GALNT11: variants seen among roughly 807,000 people sequenced by gnomAD.
The protein encoded by GALNT11 is UDP-GalNAc:polypeptide N-acetylgalactosaminyltransferase 11.
In GALNT11, 47 loss-of-function variants were observed where a neutral mutation model predicts 72.7. The observed-to-expected ratio is 0.65, with a 90% CI of 0.51 to 0.82. The LOEUF (loss-of-function observed/expected upper bound fraction) is 0.82. Ranked by LOEUF, GALNT11 falls within the 40% of genes least tolerant of loss-of-function variation. The pLI is 0.00. For synonymous variants in GALNT11, 270 were observed against 286.6 expected, an observed-to-expected ratio of 0.94 and a Z score of 0.58; for missense variants, 677 against 778.4, an observed-to-expected ratio of 0.87 and a Z score of 1.55.
At chr7:152,067,146 G>A (rs1415869539) in intron 1 of GALNT11, among the ~76,000 whole-genome samples, 2 of 152,150 alleles carry the variant, frequency 1.3e-5, no homozygotes, top group African/African-American at 4.8e-5. Context: ...TCATGTTTTG[G>A]GGAGGAAGAC....
intron 1 of GALNT11, among the ~76,000 whole-genome samples, chr7:152,027,913 ATGAGCTCACTGACTTCAGG>A (rs2082107822): frequency 8.5e-6 from 1 of 117,090 alleles, no homozygotes; most frequent in African/African-American, 6.6e-5. Context: ...CAGTGGGTTC[ATGAGCTCACTGACTTCAGG>A]AGTCAACCTG....
intron 1 of GALNT11, among the ~76,000 whole-genome samples, chr7:152,091,329 C>A (rs535400158): frequency 6.6e-6 from 1 of 152,190 alleles, no homozygotes; most frequent in East Asian, 1.9e-4. Context: ...CAACCTCCCC[C>A]TCCCGGGTTC....
chr7:152,112,702 A>G (rs2088376402), intron 7 of GALNT11, among the ~76,000 whole-genome samples: 1 of 152,098 alleles, frequency 6.6e-6, no homozygotes, highest in South Asian at 2.1e-4. Flanking sequence ...AACGAACTTA[A>G]CTCCAAAGTA....
chr7:152,057,310 C>CTT (rs761816854), intron 1 of GALNT11, among the ~76,000 whole-genome samples: 2 of 137,904 alleles, frequency 1.5e-5, no homozygotes, highest in Non-Finnish European at 3.2e-5. Context: ...ATGATTTTTC[C>CTT]TTTTTTTTTT....
In GALNT11 at chr7:152,094,326, G is replaced by A; in HGVS notation, c.99G>A (p.Val33=). The A allele has an allele frequency of 6.2e-7, 1 of 1,614,134 alleles. No individual in the cohort carries two copies. ...TTGTTTATTTCAACTTCAGTGAAGT[G>A]ACTCAGCCACTTAAGAATGTGCCCG... The part of the protein sequence containing the change: ...LLFVYFNFSE[V]TQPLKNVPVK... The change falls in exon 2 of 12, where the codon GTG becomes GTA. Residue 33 remains valine (V), a synonymous_variant. Transcript: ENST00000430044. This position sits in a 1 kb window ranked among gnomAD's most constrained non-coding sequence, Gnocchi z 4.3.
chr7:152,116,813 T>G, intron 8 of GALNT11: 3 of 447,908 alleles, frequency 6.7e-6, no homozygotes, highest in South Asian at 1.7e-5. Context: ...TCTCACTACA[T>G]TTTGTGTTTG....
chr7:152,116,686 A>G (rs1056378203), intron 8 of GALNT11, among the ~76,000 whole-genome samples: 1 of 152,244 alleles, frequency 6.6e-6, no homozygotes, highest in African/African-American at 2.4e-5. Context: ...AAATACATAT[A>G]TTTAACCAAA....
intron 3 of GALNT11, among the ~76,000 whole-genome samples, chr7:152,101,962 T>C (rs976072757): frequency 2.0e-5 from 3 of 152,162 alleles, no homozygotes; most frequent in Non-Finnish European, 4.4e-5. Flanking sequence ...TGCTTAAAGC[T>C]CCTAACCCTT....
intron 1 of GALNT11, among the ~76,000 whole-genome samples, chr7:152,049,106 T>TC: frequency 6.6e-6 from 1 of 150,814 alleles, no homozygotes; most frequent in Admixed American, 6.6e-5. Flanking sequence ...TATCTAGCTC[T>TC]CCAAGATTGG....
At chr7:152,081,265 C>T (rs2085308461) in intron 1 of GALNT11, among the ~76,000 whole-genome samples, 1 of 152,138 alleles carries the variant, frequency 6.6e-6, no homozygotes, top group African/African-American at 2.4e-5. Context: ...CTTCATGGAG[C>T]ACAGTTTTAT....
chr7:152,121,040 G>T, intron 11 of GALNT11, 72 bp downstream of exon 11: 1 of 1,541,926 alleles, frequency 6.5e-7, no homozygotes. Context: ...TGTGGCAGAT[G>T]AACTCATTTT....
intron 1 of GALNT11, among the ~76,000 whole-genome samples, chr7:152,055,224 G>A (rs1177682217): frequency 6.6e-6 from 1 of 152,074 alleles, no homozygotes; most frequent in Admixed American, 6.5e-5. Context: ...GAGGTACTGG[G>A]GGTTAGGACT....
intron 8 of GALNT11, among the ~76,000 whole-genome samples, chr7:152,115,340 C>T (rs1170606001): frequency 1.3e-5 from 2 of 152,218 alleles, no homozygotes; most frequent in East Asian, 3.8e-4. Flanking sequence ...GTAGTCACTG[C>T]ATTCTTCACC....
At chr7:152,110,420 TC>T (rs1468308686) in intron 6 of GALNT11, 107 bp from the exon 7 acceptor site, 4 of 810,870 alleles carry the variant, frequency 4.9e-6, no homozygotes, top group Non-Finnish European at 8.3e-6. Flanking sequence ...AATCATTAAT[TC>T]AATTTTTATT....
intron 1 of GALNT11, among the ~76,000 whole-genome samples, chr7:152,054,618 C>G (rs1425205615): frequency 6.7e-6 from 1 of 148,480 alleles, no homozygotes; most frequent in Non-Finnish European, 1.5e-5. Context: ...CTCAAGTGAT[C>G]CTTCTGCTGC....
intron 1 of GALNT11, among the ~76,000 whole-genome samples, chr7:152,049,700 C>T (rs1056973678): frequency 8.5e-5 from 13 of 152,198 alleles, no homozygotes; most frequent in African/African-American, 2.7e-4. Context: ...AGGCTTATGT[C>T]CTTTCCTTCA....
chr7:152,025,794 G>C lies in GALNT11; in HGVS notation c.-129G>C, dbSNP rs1040337816. 1 of 203,122 alleles carries C rather than the reference G, an allele frequency of 4.9e-6. No homozygotes were observed. The highest frequency in any genetic ancestry group is 1.1e-5 in the Non-Finnish European group (1 of 92,810). The allele number at this position is 203,122 out of a possible 1,614,324, so 12.6% of individuals were successfully genotyped here. On this transcript the variant is annotated 5_prime_UTR_variant, in exon 1 of 12. Coordinates refer to ENST00000430044, the MANE Select transcript of GALNT11 (RefSeq NM_022087.4). ...GCCCCGGGGCAGTTCAGCCCGCGCC[G>C]CTCCTGCGGGTCGGACTGGGGCTGT...
chr7:152,058,394 G>T (rs1315346674), intron 1 of GALNT11, among the ~76,000 whole-genome samples: 1 of 152,032 alleles, frequency 6.6e-6, no homozygotes, highest in Non-Finnish European at 1.5e-5. Flanking sequence ...GCCCAGGTTG[G>T]TGCCATCTCG....
At chr7:152,081,259 A>G (rs1366538333) in intron 1 of GALNT11, among the ~76,000 whole-genome samples, 1 of 152,186 alleles carries the variant, frequency 6.6e-6, no homozygotes, top group African/African-American at 2.4e-5. Flanking sequence ...TAACTACTTC[A>G]TGGAGCACAG....
Sources: gnomAD v4.1 joint callset for allele counts (sites outside exome capture counted in the v4.1 genomes callset) on GRCh38, gnomAD v4.1.1 for gene constraint, Gnocchi (gnomAD v3.1) non-coding constraint, MANE v1.5 for transcripts, NCBI Gene and HGNC (gene_info 2026-07-23, HGNC 2026-07-21) for gene names.